The following ZNF704 variants were observed in gnomAD, a reference collection of about 807,000 sequenced individuals.
ZNF704 encodes the protein glucocorticoid induced gene 1.
Under a neutral mutation model 44.7 loss-of-function variants are expected in ZNF704, and 10 were observed. The observed-to-expected ratio is 0.22, with a 90% CI of 0.14 to 0.38. The LOEUF is 0.38. ZNF704 is among the 10% of genes least tolerant of loss of function. ZNF704 has a pLI of 1.00. For synonymous variants in ZNF704, 211 were observed against 207.6 expected, an observed-to-expected ratio of 1.02 and a Z score of -0.14; for missense variants, 390 against 545.5, an observed-to-expected ratio of 0.71 and a Z score of 2.84.
intron 1 of ZNF704, among the ~76,000 whole-genome samples, chr8:80,825,299 T>TAA (rs1220739507): frequency 3.9e-5 from 6 of 152,094 alleles, no homozygotes; most frequent in Middle Eastern, 3.2e-3. Flanking sequence ...AAACAGACTT[T>TAA]AAACCAACAA....
At chr8:80,808,131 C>CA (rs1481520934) in intron 2 of ZNF704, among the ~76,000 whole-genome samples, 2 of 152,196 alleles carry the variant, frequency 1.3e-5, no homozygotes, top group African/African-American at 4.8e-5. Context: ...GATCAAGGAG[C>CA]AGCAGAACTC....
rs149520040 is a variant in ZNF704, at chr8:80,674,905, G to A, written c.559-4302C>T. 2.6e-5 allele frequency among the ~76,000 whole-genome samples: 4 copies of A among 152,282 alleles called. No individual in the cohort carries two copies. The East Asian group carries it at 5.8e-4, about 22-fold the overall frequency. ...CAAGCAAAAATACACGTACCCAACAGTCCAAGTATCTGTCTGGAAATGAAG... is the reference window on the plus strand; with the variant it reads ...CAAGCAAAAATACACGTACCCAACAATCCAAGTATCTGTCTGGAAATGAAG... On this transcript the variant is annotated intron_variant, in intron 4 of 8. Coordinates refer to ENST00000327835, the MANE Select transcript of ZNF704 (RefSeq NM_001033723.3).
At chr8:80,719,701 C>T (rs1819132311) in intron 2 of ZNF704, among the ~76,000 whole-genome samples, 1 of 152,194 alleles carries the variant, frequency 6.6e-6, no homozygotes, top group Non-Finnish European at 1.5e-5. Context: ...ATGTTTCACA[C>T]AGATGCTTGT....
intron 2 of ZNF704, among the ~76,000 whole-genome samples, chr8:80,728,733 C>A (rs1806526468): frequency 6.6e-6 from 1 of 152,124 alleles, no homozygotes; most frequent in Non-Finnish European, 1.5e-5. Flanking sequence ...GTAAAACCTG[C>A]AAAAATTTTG....
At chr8:80,780,420 G>A (rs1464987130) in intron 2 of ZNF704, among the ~76,000 whole-genome samples, 1 of 152,148 alleles carries the variant, frequency 6.6e-6, no homozygotes, top group South Asian at 2.1e-4. Flanking sequence ...GTTGGGGGAA[G>A]AGGAGAACAG....
chr8:80,798,410 C>A lies in ZNF704; in HGVS notation c.221+22964G>T, dbSNP rs561624490. ...AGCTAGGATTACAGGCACTAGCCAC[C>A]ACGCCCAGCTAATTTTGTATTTTTA... On this transcript the variant is annotated intron_variant, in intron 2 of 8. Transcript: ENST00000327835. 2.6e-5 allele frequency among the ~76,000 whole-genome samples: 4 copies of A among 152,276 alleles called. No individual in the cohort carries two copies. The East Asian group carries it at 7.7e-4, about 29-fold the overall frequency.
At chr8:80,822,317 T>C (rs147020706) in intron 1 of ZNF704, among the ~76,000 whole-genome samples, 3,454 of 122,178 alleles carry the variant, frequency 0.028, 129 homozygotes, top group African/African-American at 0.1. Context: ...TTCCCCACCC[T>C]GTGTCCAAGT....
intron 2 of ZNF704, among the ~76,000 whole-genome samples, chr8:80,712,825 C>G (rs909302094): frequency 5.7e-4 from 86 of 151,848 alleles, no homozygotes; most frequent in African/African-American, 2.0e-3. Context: ...GAAATTAGCT[C>G]TTTAATCCAT....
At chr8:80,836,460 T>C (rs1808584079) in intron 1 of ZNF704, among the ~76,000 whole-genome samples, 1 of 152,148 alleles carries the variant, frequency 6.6e-6, no homozygotes, top group Non-Finnish European at 1.5e-5. Context: ...TCATTCCCCA[T>C]ATTCTATTCT....
chr8:80,702,013 T>G (rs1281363857), intron 2 of ZNF704, among the ~76,000 whole-genome samples: 1 of 152,196 alleles, frequency 6.6e-6, no homozygotes, highest in Non-Finnish European at 1.5e-5. Context: ...CATATTTAAA[T>G]GCTGACAGGA....
intron 1 of ZNF704, among the ~76,000 whole-genome samples, chr8:80,830,753 CTTTTTTT>C (rs772059759): frequency 1.7e-4 from 15 of 89,130 alleles, no homozygotes; most frequent in South Asian, 3.6e-4. Flanking sequence ...GTGTTTCTTT[CTTTTTTT>C]TTTTTTTTTT....
rs941463649 is a variant in ZNF704, at chr8:80,694,706, G to A, written c.222-1599C>T. On this transcript the variant is annotated intron_variant, in intron 2 of 8. Coordinates refer to ENST00000327835, the MANE Select transcript of ZNF704 (RefSeq NM_001033723.3). ...GGGGCTGCTCAATTAATTTCATCAT[G>A]AAGTTACAAAAATTGTTACAGTTTG... Among the ~76,000 whole-genome samples the A allele has an allele frequency of 2.0e-5, 3 of 152,212 alleles. No homozygotes were observed. The East Asian group carries it at 5.8e-4, about 29-fold the overall frequency.
intron 1 of ZNF704, among the ~76,000 whole-genome samples, chr8:80,850,313 T>C (rs1193564038): frequency 2.6e-5 from 4 of 152,234 alleles, no homozygotes; most frequent in African/African-American, 9.6e-5. Context: ...TCATAATCTT[T>C]CTGCAGCTTC....
chr8:80,672,391 A>G (rs1164289371), intron 4 of ZNF704, among the ~76,000 whole-genome samples: 1 of 152,238 alleles, frequency 6.6e-6, no homozygotes. Flanking sequence ...TAGAAGTACC[A>G]TTCGACCCAG....
intron 2 of ZNF704, among the ~76,000 whole-genome samples, chr8:80,805,593 T>A (rs1020545315): frequency 1.3e-5 from 2 of 152,200 alleles, no homozygotes; most frequent in Non-Finnish European, 2.9e-5. Context: ...GATTTTTACT[T>A]TTTTTCTTTC....
chr8:80,880,861 G>A, the ZNF704 span, among the ~76,000 whole-genome samples: 1 of 152,176 alleles, frequency 6.6e-6, no homozygotes, highest in African/African-American at 2.4e-5. Context: ...GAATTAATAT[G>A]CAGCAAAATG....
At chr8:80,874,972 T>G (rs1809337524), upstream of ZNF704, among the ~76,000 whole-genome samples, 2 of 152,084 alleles carry the variant, frequency 1.3e-5, no homozygotes, top group Admixed American at 1.3e-4. The surrounding 1 kb of genome is among the most constrained non-coding windows in gnomAD (Gnocchi z 4.4). Flanking sequence ...TCTTTCAGCT[T>G]TTACTCCTGC....
At chr8:80,806,093 A>G (rs1402551245) in intron 2 of ZNF704, among the ~76,000 whole-genome samples, 1 of 152,230 alleles carries the variant, frequency 6.6e-6, no homozygotes, top group African/African-American at 2.4e-5. Flanking sequence ...TCAAACAAGA[A>G]GGAAGACTAT....
intron 2 of ZNF704, among the ~76,000 whole-genome samples, chr8:80,710,554 T>A (rs1004747670): frequency 3.9e-5 from 6 of 152,158 alleles, no homozygotes; most frequent in African/African-American, 1.2e-4. Flanking sequence ...TATTTGGAGA[T>A]GAAGTCTTTG....
Sources: allele counts gnomAD v4.1 joint callset (sites outside exome capture counted in the v4.1 genomes callset), GRCh38; gene constraint gnomAD v4.1.1; non-coding constraint Gnocchi (gnomAD v3.1); transcripts MANE v1.5; gene names NCBI Gene and HGNC (gene_info 2026-07-23, HGNC 2026-07-21).